The following SIDT1 variants were observed in gnomAD, a reference collection of about 807,000 sequenced individuals.
The protein encoded by SIDT1 is SID1 transmembrane family member 1.
Under a neutral mutation model 107.5 loss-of-function variants are expected in SIDT1, and 101 were observed. That is an observed-to-expected ratio of 0.94 (90% CI 0.80 to 1.11). The LOEUF (loss-of-function observed/expected upper bound fraction) is 1.11. SIDT1 is among the 50% of genes least tolerant of loss of function. The pLI, the probability that SIDT1 is intolerant of heterozygous loss-of-function variation, is 0.00. For synonymous variants in SIDT1, 395 were observed against 398.2 expected, an observed-to-expected ratio of 0.99 and a Z score of 0.10; for missense variants, 1,076 against 1,058.2, an observed-to-expected ratio of 1.02 and a Z score of -0.23.
chr3:113,566,087 A>G (rs764255771), intron 1 of SIDT1, among the ~76,000 whole-genome samples: 1 of 152,182 alleles, frequency 6.6e-6, no homozygotes, highest in Non-Finnish European at 1.5e-5. Flanking sequence ...TGCTGTTTGA[A>G]GACTTTATAA....
chr3:113,603,145 A>C lies in SIDT1; in HGVS notation c.1258A>C (p.Thr420Pro), dbSNP rs1576922920. The change falls in exon 12 of 25, where the codon ACC becomes CCC. Residue 420 changes from threonine (T) to proline (P), a missense_variant. Coordinates refer to ENST00000264852, the MANE Select transcript of SIDT1 (RefSeq NM_017699.3). Reference protein sequence around the residue: ...DIESDKNIIRTKMFLYLSDLS... With the variant: ...DIESDKNIIRPKMFLYLSDLS... ...TGAGAGTGATAAAAACATCATCCGGACCAAGGTACCCACTCTGCCTCGCCG... is the reference window on the plus strand; with the variant it reads ...TGAGAGTGATAAAAACATCATCCGGCCCAAGGTACCCACTCTGCCTCGCCG... 1 of 1,613,532 alleles carries C rather than the reference A, an allele frequency of 6.2e-7. No individual in the cohort carries two copies. Among genetic ancestry groups the C allele is most frequent in the African/African-American group, 1.3e-5 (1 of 75,006 alleles).
chr3:113,615,178 G>A, intron 19 of SIDT1: 1 of 1,297,432 alleles, frequency 7.7e-7, no homozygotes, highest in East Asian at 2.5e-5. Context: ...GCCTCTTTCA[G>A]GCCGGGCAGA....
chr3:113,562,430 A>G (rs1023427326), intron 1 of SIDT1, among the ~76,000 whole-genome samples: 2 of 152,244 alleles, frequency 1.3e-5, no homozygotes, highest in African/African-American at 4.8e-5. Context: ...TGTTCACAGC[A>G]ACATTGTTTA....
intron 14 of SIDT1, among the ~76,000 whole-genome samples, chr3:113,605,777 G>T (rs921252749): frequency 6.6e-6 from 1 of 152,132 alleles, no homozygotes; most frequent in Non-Finnish European, 1.5e-5. Context: ...GCCTAGGCAG[G>T]TGGATTGCCT....
intron 6 of SIDT1, among the ~76,000 whole-genome samples, chr3:113,583,137 A>G (rs1194751021): frequency 6.6e-6 from 1 of 152,220 alleles, no homozygotes; most frequent in African/African-American, 2.4e-5. Flanking sequence ...TATGGTGCTT[A>G]TTATAGTTCT....
intron 10 of SIDT1, among the ~76,000 whole-genome samples, chr3:113,600,264 C>T (rs577063366): frequency 3.3e-5 from 5 of 152,082 alleles, no homozygotes; most frequent in East Asian, 1.9e-4. Context: ...GAGCCGAGAT[C>T]GTACTACTGC....
At chr3:113,610,957 G>C in intron 17 of SIDT1, 51 bp from the exon 18 acceptor site, 1 of 1,591,878 alleles carries the variant, frequency 6.3e-7, no homozygotes, top group African/African-American at 1.3e-5. Flanking sequence ...AATATCATCT[G>C]TCTGTCACCT....
chr3:113,541,926 T>C (rs1938934529), intron 1 of SIDT1, among the ~76,000 whole-genome samples: 1 of 76,064 alleles, frequency 1.3e-5, no homozygotes, highest in Non-Finnish European at 2.6e-5. Flanking sequence ...TTTTTCTTTC[T>C]TTTTTTTTTT....
the SIDT1 span, among the ~76,000 whole-genome samples, chr3:113,634,979 A>G: frequency 2.4e-4 from 36 of 152,334 alleles, no homozygotes; most frequent in South Asian, 7.5e-3. Flanking sequence ...GGATTTATAT[A>G]AGGACTATTG....
At chr3:113,560,520 G>A (rs1391163701) in intron 1 of SIDT1, among the ~76,000 whole-genome samples, 3 of 152,114 alleles carry the variant, frequency 2.0e-5, no homozygotes, top group Admixed American at 2.0e-4. Flanking sequence ...TGGGAGGGAG[G>A]GAGCGAGGAG....
chr3:113,549,748 A>G, intron 1 of SIDT1, among the ~76,000 whole-genome samples: 1 of 152,102 alleles, frequency 6.6e-6, no homozygotes, highest in Non-Finnish European at 1.5e-5. Flanking sequence ...TTTTATTTTA[A>G]TAAACAATCA....
chr3:113,582,820 T>C (rs1943462373), intron 6 of SIDT1, among the ~76,000 whole-genome samples: 1 of 152,140 alleles, frequency 6.6e-6, no homozygotes, highest in Non-Finnish European at 1.5e-5. Context: ...CTCAGTGGGC[T>C]GAACATAACA....
At chr3:113,614,190 G>T (rs558477908) in intron 19 of SIDT1, among the ~76,000 whole-genome samples, 3 of 152,134 alleles carry the variant, frequency 2.0e-5, no homozygotes, top group Non-Finnish European at 4.4e-5. Context: ...GGAGGACGCC[G>T]GCAAAATAAG....
chr3:113,535,279 T>A (rs895615848), intron 1 of SIDT1, among the ~76,000 whole-genome samples: 8 of 131,430 alleles, frequency 6.1e-5, no homozygotes, highest in African/African-American at 2.2e-4. Flanking sequence ...TTTTTCAAAA[T>A]GTTTTTTTTT....
At chr3:113,550,709 TA>T (rs1419662454) in intron 1 of SIDT1, among the ~76,000 whole-genome samples, 14 of 152,308 alleles carry the variant, frequency 9.2e-5, no homozygotes, top group South Asian at 2.1e-4. Flanking sequence ...AAAAGACCTT[TA>T]AAAAAATTTT....
chr3:113,551,804 C>A (rs1231754047), intron 1 of SIDT1, among the ~76,000 whole-genome samples: 3 of 145,950 alleles, frequency 2.1e-5, no homozygotes, highest in Non-Finnish European at 4.5e-5. Flanking sequence ...CCCTGTGGAT[C>A]CCGGGGGTAA....
At chr3:113,559,222 A>G (rs949409405) in intron 1 of SIDT1, among the ~76,000 whole-genome samples, 5 of 152,220 alleles carry the variant, frequency 3.3e-5, no homozygotes, top group African/African-American at 9.6e-5. Context: ...AAATGCTTAA[A>G]TGTAATGTGA....
At chr3:113,623,572 GGCAGGC>G in intron 22 of SIDT1, 40 bp downstream of exon 22, 1 of 1,599,458 alleles carries the variant, frequency 6.3e-7, no homozygotes, top group East Asian at 2.2e-5. Context: ...CGGGCCCTCG[GGCAGGC>G]GAAGGCGGGG....
chr3:113,558,797 T>C lies in SIDT1; in HGVS notation c.223-7623T>C, dbSNP rs149371667. 1.9e-3 allele frequency among the ~76,000 whole-genome samples: 286 copies of C among 152,362 alleles called. 2 individuals carry two copies. Among genetic ancestry groups the C allele is most frequent in the Non-Finnish European group, 3.2e-3 (216 of 68,036 alleles). ...ATGACGCTGTGGCAAAGGGGTAAAG[T>C]CTCAGATCCTTCCAAGTTCTTGAAA... On this transcript the variant is annotated intron_variant, in intron 1 of 24. Coordinates refer to ENST00000264852, the MANE Select transcript of SIDT1 (RefSeq NM_017699.3).
Sources: allele counts gnomAD v4.1 joint callset (sites outside exome capture counted in the v4.1 genomes callset), GRCh38; gene constraint gnomAD v4.1.1; transcripts MANE v1.5; gene names NCBI Gene and HGNC (gene_info 2026-07-23, HGNC 2026-07-21).